The following C21orf58 variants were observed in gnomAD, a reference collection of about 807,000 sequenced individuals.
C21orf58 encodes the protein uncharacterized protein C21orf58.
Under a neutral mutation model 35.8 loss-of-function variants are expected in C21orf58, and 34 were observed. The observed-to-expected ratio is 0.95, with a 90% CI of 0.72 to 1.26. The LOEUF (loss-of-function observed/expected upper bound fraction) is 1.26. Among genes scored for constraint, C21orf58 ranks in the 50% most tolerant of loss-of-function variants. The pLI, the probability that C21orf58 is intolerant of heterozygous loss-of-function variation, is 0.00. For missense variants in C21orf58, 440 were observed against 414.3 expected (o/e 1.06, Z -0.54); for synonymous variants, 191 against 175.8 (o/e 1.09, Z -0.68).
rs370029121 is a variant in C21orf58 at position 46,317,287 on chromosome 21, G to T, written c.310-19C>A. 1.2e-6 allele frequency: 2 copies of T among 1,608,956 alleles called. No homozygotes were observed. The highest frequency in any genetic ancestry group is 2.2e-5 in the South Asian group (2 of 90,452). On this transcript the variant is annotated intron_variant, in intron 2 of 7. Transcript: ENST00000291691. The stretch of plus-strand genomic sequence containing the variant: ...CCAGCTTCTGTGAGGAAGAGAGACC[G>T]TGACAGAGACGGTGGCTCCACGCAA...
chr21:46,322,864 T>C lies in C21orf58; in HGVS notation c.-126A>G. The C allele has an allele frequency of 4.9e-6, 3 of 616,748 alleles. No homozygotes were observed. The highest frequency in any genetic ancestry group is 7.8e-6 in the Non-Finnish European group (3 of 386,236). The allele number at this position is 616,748 out of a possible 1,614,324, so 38.2% of individuals were successfully genotyped here. On this transcript the variant is annotated 5_prime_UTR_variant, in exon 1 of 8. Transcript: ENST00000291691. ...TGCTGAGGAGGCTGCAAGGTGAGCTTGCGTCAGCGAGGAGCCACTCCAGCA... is the reference window on the plus strand; with the variant it reads ...TGCTGAGGAGGCTGCAAGGTGAGCTCGCGTCAGCGAGGAGCCACTCCAGCA...
At chr21:46,300,563 G>T, downstream of C21orf58, 1 of 922,096 alleles carries the variant, frequency 1.1e-6, no homozygotes, top group Non-Finnish European at 1.4e-6. Context: ...CCTTCAAGAG[G>T]CACGAAAAGA....
At chr21:46,302,657 G>C in intron 6 of C21orf58, 81 bp from the exon 7 acceptor site, 1 of 1,104,550 alleles carries the variant, frequency 9.1e-7, no homozygotes, top group Non-Finnish European at 1.3e-6. Flanking sequence ...TATAGGACCA[G>C]AGAACAGGTG....
chr21:46,302,562 G>A lies in C21orf58; in HGVS notation c.736C>T (p.Leu246=). Residue 246 remains leucine, a synonymous_variant, in exon 7 of 8, where the codon CTG becomes TTG. Coordinates refer to ENST00000291691, the MANE Select transcript of C21orf58 (RefSeq NM_058180.5). ...TGCACCTGTGCGTTCTGCAGCAGCA[G>A]CAGCTCCACCATGTCTGCAGGGAAG... is the stretch of plus-strand genomic sequence containing the variant. ...GSIKEDMVEL[L]LLQNAQVHQL... The A allele has an allele frequency of 6.2e-7, 1 of 1,612,034 alleles. No homozygotes were observed. Among genetic ancestry groups the A allele is most frequent in the South Asian group, 1.1e-5 (1 of 90,572 alleles).
In C21orf58 at chr21:46,323,850, G is replaced by A. The variant is rs1202003417; in HGVS notation, c.-1112C>T. On this transcript the variant is annotated 5_prime_UTR_variant, in exon 1 of 8. Coordinates refer to ENST00000291691, the MANE Select transcript of C21orf58 (RefSeq NM_058180.5). ...CAAAGCCCAGGGGCCGCCCGCGCGG[G>A]ACCAGCAGCGCGAACTTTTTGCCGC... 1 of 363,560 alleles carries A rather than the reference G, an allele frequency of 2.8e-6. No individual in the cohort carries two copies. Among genetic ancestry groups the A allele is most frequent in the South Asian group, 2.3e-5 (1 of 43,020 alleles). The allele number at this position is 363,560 out of a possible 1,614,324, so 22.5% of individuals were successfully genotyped here.
chr21:46,322,470 G>T, intron 1 of C21orf58, 169 bp downstream of exon 1: 2 of 985,294 alleles, frequency 2.0e-6, no homozygotes, highest in Non-Finnish European at 2.4e-6. Flanking sequence ...AGATTCAGGC[G>T]CGGTCTGGGT....
At chr21:46,307,722 T>G (rs1450598880) in intron 6 of C21orf58, among the ~76,000 whole-genome samples, 1 of 152,052 alleles carries the variant, frequency 6.6e-6, no homozygotes, top group Non-Finnish European at 1.5e-5. Flanking sequence ...AGCACAGGGG[T>G]TGGGATAGGC....
chr21:46,314,429 G>A (rs891671070), intron 5 of C21orf58, among the ~76,000 whole-genome samples: 8 of 152,156 alleles, frequency 5.3e-5, no homozygotes, highest in African/African-American at 7.2e-5. Context: ...AGGGCCGCCC[G>A]CTGAGCTCTC....
rs1050699920 is a variant in C21orf58, at chr21:46,301,688, A to G, written c.*311T>C. 8.7e-7 allele frequency: 1 copy of G among 1,150,924 alleles called. No individual in the cohort carries two copies. The highest frequency in any genetic ancestry group is 1.1e-6 in the Non-Finnish European group (1 of 936,272). 71.3% of individuals were successfully genotyped at this position (1,150,924 alleles called of 1,614,324 possible). On this transcript the variant is annotated 3_prime_UTR_variant, in exon 8 of 8. Transcript: ENST00000291691. ...CTCCGTGATGGAAGAGGGGGATCTG[A>G]GGCTCCCAGGTGGGCCGGCGCCGCC...
intron 1 of C21orf58, among the ~76,000 whole-genome samples, chr21:46,320,001 C>A (rs374869314): frequency 1.3e-5 from 2 of 152,162 alleles, no homozygotes; most frequent in East Asian, 3.9e-4. Context: ...GACATTTAAA[C>A]AGCTCTGAGT....
At position 46,314,784 on chromosome 21, in the gene C21orf58, T is replaced by TG. The variant is rs1265042566; in HGVS notation, c.540dup (p.Thr181HisfsTer59). 55 of 1,530,066 alleles carry TG rather than the reference T, an allele frequency of 3.6e-5. No homozygotes were observed. The highest frequency in any genetic ancestry group is 4.8e-5 in the Non-Finnish European group (54 of 1,133,114). The allele number at this position is 1,530,066 out of a possible 1,614,324, so 94.8% of individuals were successfully genotyped here. On this transcript the variant is annotated frameshift_variant, in exon 5 of 8. Coordinates refer to ENST00000291691, the MANE Select transcript of C21orf58 (RefSeq NM_058180.5). LOFTEE classifies it high-confidence loss of function. ...GGGGAGGCAGTGGGTAGGATGCCCG[T>TG]GGGGGGCAGCTCTGGGGGCAGGGCT...
intron 1 of C21orf58, among the ~76,000 whole-genome samples, chr21:46,319,796 C>G (rs1262619604): frequency 6.6e-6 from 1 of 151,944 alleles, no homozygotes; most frequent in East Asian, 1.9e-4. Context: ...ACTCGGGAGG[C>G]TGAGGCAGGA....
chr21:46,309,335 G>A (rs553764158), intron 6 of C21orf58, among the ~76,000 whole-genome samples: 4 of 151,988 alleles, frequency 2.6e-5, no homozygotes, highest in African/African-American at 7.2e-5. Flanking sequence ...GGTGGCAGGC[G>A]CCTGTAATCC....
chr21:46,317,255 T>A lies in C21orf58; in HGVS notation c.323A>T (p.Glu108Val). 1 of 1,611,986 alleles carries A rather than the reference T, an allele frequency of 6.2e-7. No individual in the cohort carries two copies. The highest frequency in any genetic ancestry group is 8.5e-7 in the Non-Finnish European group (1 of 1,179,676). ...AGGTCCCCCTTCCACGTTCTGCCGT[T>A]CTTGCTCCAGCTTCTGTGAGGAAGA... ...LKLLGQKLEQ[E>V]RQNVEGGPEG... The change falls in exon 3 of 8, where the codon GAA becomes GTA. Residue 108 changes from glutamate to valine, a missense_variant. Transcript: ENST00000291691.
chr21:46,311,620 T>G (rs2082692851), intron 5 of C21orf58, 53 bp from the exon 6 acceptor site: 1 of 1,088,630 alleles, frequency 9.2e-7, no homozygotes, highest in African/African-American at 1.5e-5. Flanking sequence ...AGAAAGTGTC[T>G]CCAGTATCTA....
At chr21:46,316,128 A>G (rs2082969069) in intron 3 of C21orf58, among the ~76,000 whole-genome samples, 1 of 152,084 alleles carries the variant, frequency 6.6e-6, no homozygotes, top group Non-Finnish European at 1.5e-5. Context: ...CATCCTGGGC[A>G]ACAGAGCGAG....
intron 5 of C21orf58, chr21:46,312,898 T>TATATAGA (rs2082803823): frequency 1.6e-6 from 1 of 639,968 alleles, no homozygotes; most frequent in African/African-American, 2.0e-5. Flanking sequence ...CTGTAGTACA[T>TATATAGA]ATATAGAACA....
At chr21:46,309,148 G>A (rs2082556153) in intron 6 of C21orf58, among the ~76,000 whole-genome samples, 1 of 152,068 alleles carries the variant, frequency 6.6e-6, no homozygotes, top group East Asian at 1.9e-4. Context: ...GCGAAATCCC[G>A]TCTCTACTAA....
intron 6 of C21orf58, among the ~76,000 whole-genome samples, chr21:46,309,199 G>A (rs1486059788): frequency 6.6e-6 from 1 of 152,072 alleles, no homozygotes; most frequent in African/African-American, 2.4e-5. Context: ...GGTGGCTCAC[G>A]CCTGTAATCC....
Sources: gnomAD v4.1 joint callset for allele counts (sites outside exome capture counted in the v4.1 genomes callset) on GRCh38, gnomAD v4.1.1 for gene constraint, MANE v1.5 for transcripts, NCBI Gene and HGNC (gene_info 2026-07-23, HGNC 2026-07-21) for gene names.